PLCH2: variants seen among roughly 807,000 people sequenced by gnomAD.
PLCH2 encodes phospholipase C eta 2, also known as 1-phosphatidylinositol 4,5-bisphosphate phosphodiesterase eta-2.
In PLCH2, 98 loss-of-function variants were observed where a neutral mutation model predicts 134.7. The ratio of observed to expected loss-of-function variants is 0.73; its 90% CI spans 0.62 to 0.86. The LOEUF (loss-of-function observed/expected upper bound fraction) is 0.86. Ranked by LOEUF, PLCH2 falls within the 40% of genes least tolerant of loss-of-function variation. The pLI, the probability that PLCH2 is intolerant of heterozygous loss-of-function variation, is 0.00. For synonymous variants in PLCH2, 974 were observed against 827.5 expected (o/e 1.18, Z -3.04); for missense variants, 1,994 against 1,986.6 (o/e 1.00, Z -0.07).
the PLCH2 span, among the ~76,000 whole-genome samples, chr1:2,420,743 G>A: frequency 3.3e-5 from 5 of 152,216 alleles, no homozygotes; most frequent in Non-Finnish European, 5.9e-5. Flanking sequence ...TGTGGGAGTC[G>A]CTCCTCTCTC....
Position 2,444,710 on chromosome 1 carries a change from G to A in PLCH2, c.115+14081G>A, listed in dbSNP as rs1177949260. ...CCCACACTGTCTGGTGACACTGGAG[G>A]CAGCCAAGGTGGCCACTGATCCCCA... On this transcript the variant is annotated intron_variant, in intron 2 of 3. Coordinates refer to the PLCH2 transcript ENST00000609981. The surrounding 1 kb of genome is among the most constrained non-coding windows in gnomAD (Gnocchi z 4.6). Among the ~76,000 whole-genome samples, 1 of 152,118 alleles carries A rather than the reference G, an allele frequency of 6.6e-6. No individual in the cohort carries two copies. Among genetic ancestry groups the A allele is most frequent in the African/African-American group, 2.4e-5 (1 of 41,418 alleles).
chr1:2,499,263 T>TGGCCGAG, intron 19 of PLCH2, 33 bp downstream of exon 19: 2 of 1,609,518 alleles, frequency 1.2e-6, no homozygotes, highest in Non-Finnish European at 1.7e-6. Context: ...CCCCCCACAC[T>TGGCCGAG]GGCCGAGGGC....
chr1:2,504,612 AC>A lies in PLCH2; in HGVS notation c.3651del (p.Asp1217GlufsTer60). On this transcript the variant is annotated frameshift_variant, in exon 22 of 22. Coordinates refer to ENST00000378486, the MANE Select transcript of PLCH2 (RefSeq NM_014638.4). LOFTEE classifies it high-confidence loss of function. ...RATGQRPPIP[D>X]ELQPRSLAPR... ...ACAGGCCAGCGGCCTCCCATACCTG[AC>A]GAACTGCAGCCCAGGTCCCTGGCCC... 3.1e-6 allele frequency: 5 copies of A among 1,612,696 alleles called. No homozygotes were observed. The South Asian group carries it at 5.5e-5, about 18-fold the overall frequency.
At chr1:2,491,102 G>A in intron 10 of PLCH2, 90 bp from the exon 11 acceptor site, 1 of 1,278,562 alleles carries the variant, frequency 7.8e-7, no homozygotes, top group Non-Finnish European at 1.1e-6. Flanking sequence ...AGCCTGGGGT[G>A]GGCAGAGTGC....
upstream of PLCH2, among the ~76,000 whole-genome samples, chr1:2,473,228 T>C (rs116518624): frequency 1.1e-3 from 168 of 152,318 alleles, no homozygotes; most frequent in African/African-American, 3.4e-3. Flanking sequence ...ACTGAGGCAC[T>C]GAGACAGGGA....
intron 1 of PLCH2, among the ~76,000 whole-genome samples, chr1:2,426,371 C>T (rs12023660): frequency 0.13 from 19,820 of 152,280 alleles, 1,450 homozygotes; most frequent in East Asian, 0.27. Flanking sequence ...CACTAAGCTT[C>T]CCCTTCTTGC....
intron 19 of PLCH2, 83 bp downstream of exon 19, chr1:2,499,313 G>C: frequency 6.7e-7 from 1 of 1,494,162 alleles, no homozygotes; most frequent in Non-Finnish European, 9.1e-7. Context: ...GTGAGTCAGT[G>C]CCTGTGTAGG....
Position 2,498,370 on chromosome 1 carries a change from G to A in PLCH2, c.2225-153G>A. 3 of 764,940 alleles carry A rather than the reference G, an allele frequency of 3.9e-6. No individual in the cohort carries two copies. The highest frequency in any genetic ancestry group is 1.9e-5 in the South Asian group (1 of 53,930). 47.4% of individuals were successfully genotyped at this position (764,940 alleles called of 1,614,324 possible). A position where few individuals can be genotyped will look rare whatever the true frequency, so the allele number is the denominator to read the frequency against. Reference sequence around the variant, plus strand: ...TACTGGGCCAGGTGCACCCCGAGGTGCCCCCCTGGACCACTGCCTCCCTCC... The same window carrying A: ...TACTGGGCCAGGTGCACCCCGAGGTACCCCCCTGGACCACTGCCTCCCTCC... On this transcript the variant is annotated intron_variant, in intron 16 of 21. Coordinates refer to ENST00000378486, the MANE Select transcript of PLCH2 (RefSeq NM_014638.4). This position sits in a 1 kb window ranked among gnomAD's most constrained non-coding sequence, Gnocchi z 5.4.
chr1:2,497,276 C>A (rs1642946908), intron 15 of PLCH2, among the ~76,000 whole-genome samples: 1 of 152,258 alleles, frequency 6.6e-6, no homozygotes. Flanking sequence ...GGGATACCTG[C>A]CTGCGAGGCT....
intron 2 of PLCH2, among the ~76,000 whole-genome samples, chr1:2,454,184 C>T (rs1339662160): frequency 6.6e-6 from 1 of 152,188 alleles, no homozygotes; most frequent in African/African-American, 2.4e-5. Flanking sequence ...TGGCTGAGCT[C>T]CTAGGGCAGG....
At chr1:2,437,363 A>G (rs1199292972) in intron 2 of PLCH2, among the ~76,000 whole-genome samples, 2 of 151,710 alleles carry the variant, frequency 1.3e-5, no homozygotes, top group African/African-American at 4.9e-5. Flanking sequence ...ACTGACTTAG[A>G]CCTCCTCTGG....
intron 7 of PLCH2, 69 bp downstream of exon 7, chr1:2,487,445 A>G: frequency 6.6e-7 from 1 of 1,506,858 alleles, no homozygotes; most frequent in Non-Finnish European, 9.1e-7. Flanking sequence ...GCACCTGAGG[A>G]GCCCCCGGGG....
At chr1:2,489,060 G>A in intron 8 of PLCH2, 147 bp from the exon 9 acceptor site, 1 of 698,828 alleles carries the variant, frequency 1.4e-6, no homozygotes, top group South Asian at 1.9e-5. Context: ...ACCTCCCAGA[G>A]CTGCTGGTAA....
chr1:2,460,012 G>GCCAGAA (rs1468789401), intron 2 of PLCH2, among the ~76,000 whole-genome samples: 1 of 152,236 alleles, frequency 6.6e-6, no homozygotes, highest in African/African-American at 2.4e-5. Flanking sequence ...CCCTGAGCTG[G>GCCAGAA]GACCTGGGCC....
At chr1:2,486,120 GT>G (rs1442516595) in intron 5 of PLCH2, among the ~76,000 whole-genome samples, 8 of 152,202 alleles carry the variant, frequency 5.3e-5, no homozygotes, top group African/African-American at 1.7e-4. Flanking sequence ...TAGGTCCTCT[GT>G]CCCAGTAAAG....
intron 2 of PLCH2, among the ~76,000 whole-genome samples, chr1:2,459,376 GCCGGTGGTCCTCCTTC>G (rs1557969222): frequency 1.4e-4 from 19 of 139,048 alleles, no homozygotes; most frequent in African/African-American, 1.4e-4. Flanking sequence ...GGTCCTCCTT[GCCGGTGGTCCTCCTTC>G]CTGGTGGTTC....
Position 2,497,006 on chromosome 1 carries a change from A to G in PLCH2, c.2112A>G (p.Gln704=), listed in dbSNP as rs1446719178. 2 of 1,612,438 alleles carry G rather than the reference A, an allele frequency of 1.2e-6. No homozygotes were observed. Residue 704 remains glutamine, a synonymous_variant, in exon 15 of 22, where the codon CAA becomes CAG. Transcript: ENST00000378486. ...NPQPFWNAGC[Q]MVALNYQSEG... ...AGCCCTTCTGGAACGCCGGCTGCCA[A>G]ATGGGTGGGTGCGGGCATGGTGCGC...
Position 2,431,253 on chromosome 1 carries a change from C to T in PLCH2, c.115+624C>T, listed in dbSNP as rs115438081. ...AGGCAAGAACCATGGCAGTGGTGAG[C>T]GTGTGTGCGTGTGTGCGTGTGTCTG... On this transcript the variant is annotated intron_variant, in intron 2 of 3. Coordinates refer to the PLCH2 transcript ENST00000609981. 3.1e-3 allele frequency among the ~76,000 whole-genome samples: 464 copies of T among 151,850 alleles called. 4 individuals carry two copies. Among genetic ancestry groups the T allele is most frequent in the African/African-American group, 0.01 (421 of 41,378 alleles).
At chr1:2,495,681 AC>A in intron 13 of PLCH2, 111 bp downstream of exon 13, 2 of 694,364 alleles carry the variant, frequency 2.9e-6, no homozygotes, top group Non-Finnish European at 4.7e-6. Flanking sequence ...GGCAGGACCT[AC>A]CCCCTTCTTG....
Sources: allele counts gnomAD v4.1 joint callset (sites outside exome capture counted in the v4.1 genomes callset), GRCh38; gene constraint gnomAD v4.1.1; non-coding constraint Gnocchi (gnomAD v3.1); transcripts MANE v1.5; gene names NCBI Gene and HGNC (gene_info 2026-07-23, HGNC 2026-07-21).